MAP3K12: variants seen among roughly 807,000 people sequenced by gnomAD.
The protein encoded by MAP3K12 is mitogen-activated protein kinase kinase kinase 12, also known as MAPK-upstream kinase.
MAP3K12 carries 14 observed loss-of-function variants against 87.5 expected under a neutral mutation model. The observed-to-expected ratio is 0.16, with a 90% CI of 0.11 to 0.25. The LOEUF (loss-of-function observed/expected upper bound fraction) is 0.25, where lower values mean the gene tolerates loss of function less well. Ranked by LOEUF, MAP3K12 falls within the 10% of genes least tolerant of loss-of-function variation. MAP3K12 has a pLI of 1.00. For synonymous variants in MAP3K12, 469 were observed against 452.5 expected, an observed-to-expected ratio of 1.04 and a Z score of -0.46; for missense variants, 802 against 1,140.4, an observed-to-expected ratio of 0.70 and a Z score of 4.27.
In MAP3K12 at chr12:53,482,018, G is replaced by C; in HGVS notation, c.2503C>G (p.Pro835Ala). The change falls in exon 13 of 14, where the codon CCA (proline) becomes GCA (alanine). Residue 835 changes from proline to alanine, a missense_variant. Pro to Ala is a conservative substitution (Grantham distance 27). This residue lies in a region of MAP3K12 where 490 missense variants were observed against 496.6 expected (regional missense o/e 0.99). Transcript: ENST00000547488. ...CSQGSEIPLDPPPSEVIPGPE... is the reference protein window; with the variant it reads ...CSQGSEIPLDAPPSEVIPGPE... ...CCAGGGATGACCTCTGAAGGAGGTG[G>C]GTCCAGTGGGATTTCTGAGCCCTGG... The C allele has an allele frequency of 6.2e-7, 1 of 1,614,216 alleles. No homozygotes were observed. Among genetic ancestry groups the C allele is most frequent in the East Asian group, 2.2e-5 (1 of 44,884 alleles).
chr12:53,482,002 A>T lies in MAP3K12; in HGVS notation c.2519T>A (p.Val840Asp), dbSNP rs778605042. ...EIPLDPPPSE[V>D]IPGPEPSSLP... ...GGAGCTGGGTTCAGGGCCAGGGATG[A>T]CCTCTGAAGGAGGTGGGTCCAGTGG... The change falls in exon 13 of 14, where the codon GTC (valine) becomes GAC (aspartate). Residue 840 changes from valine to aspartate, a missense_variant. Coordinates refer to ENST00000547488, the MANE Select transcript of MAP3K12 (RefSeq NM_001193511.2). The T allele has an allele frequency of 1.2e-6, 2 of 1,614,104 alleles. No individual in the cohort carries two copies. The highest frequency in any genetic ancestry group is 8.5e-7 in the Non-Finnish European group (1 of 1,180,020).
chr12:53,482,644 C>A lies in MAP3K12; in HGVS notation c.2159G>T (p.Gly720Val). ...GGACCCAGCCCGGCTTCCTCCCCGG[C>A]CTGAGGTCCCTTCCCTTCCAGTTCC... is the stretch of plus-strand genomic sequence containing the variant. ...LLGTGREGTSGRGGSRAGSQH... is the reference protein window; with the variant it reads ...LLGTGREGTSVRGGSRAGSQH... Residue 720 changes from glycine to valine, a missense_variant, in exon 11 of 14, where the codon GGC becomes GTC. Around this residue, in one of 5 missense-constraint regions of MAP3K12, gnomAD observed 490 missense variants for 496.6 expected, o/e 0.99. Coordinates refer to ENST00000547488, the MANE Select transcript of MAP3K12 (RefSeq NM_001193511.2). 1 of 1,613,928 alleles carries A rather than the reference C, an allele frequency of 6.2e-7. No homozygotes were observed. The highest frequency in any genetic ancestry group is 8.5e-7 in the Non-Finnish European group (1 of 1,180,026).
chr12:53,496,987 C>T (rs957937808), intron 1 of MAP3K12, among the ~76,000 whole-genome samples: 3 of 152,190 alleles, frequency 2.0e-5, no homozygotes, highest in African/African-American at 7.2e-5. Flanking sequence ...GACAGTGGTA[C>T]CTATGTCCCA....
chr12:53,485,502 T>G (rs1286090885), intron 4 of MAP3K12, 27 bp from the exon 5 acceptor site: 1 of 1,598,778 alleles, frequency 6.3e-7, no homozygotes, highest in Non-Finnish European at 8.5e-7. Flanking sequence ...TCAGCTGGGG[T>G]CCACACCCCT....
upstream of MAP3K12, chr12:53,501,386 C>G (rs1222415828): frequency 1.3e-6 from 2 of 1,556,098 alleles, no homozygotes; most frequent in Admixed American, 3.9e-5. Flanking sequence ...GTCACGGTGG[C>G]GCCCGCGGGG....
chr12:53,494,619 C>T (rs542227379), intron 1 of MAP3K12, among the ~76,000 whole-genome samples: 1 of 152,174 alleles, frequency 6.6e-6, no homozygotes, highest in Non-Finnish European at 1.5e-5. Flanking sequence ...GTCTTAGGGG[C>T]TCAGTTCAGA....
intron 11 of MAP3K12, 88 bp from the exon 12 acceptor site, chr12:53,482,457 G>A (rs1016119612): frequency 6.2e-7 from 1 of 1,606,300 alleles, no homozygotes. Flanking sequence ...GTTACGAAGG[G>A]TGAAGTAGGG....
At chr12:53,489,779 C>T (rs1408273493) in intron 1 of MAP3K12, among the ~76,000 whole-genome samples, 1 of 152,134 alleles carries the variant, frequency 6.6e-6, no homozygotes, top group African/African-American at 2.4e-5. Context: ...CAGGCCTTTC[C>T]CTTGAAGACT....
intron 1 of MAP3K12, among the ~76,000 whole-genome samples, chr12:53,498,955 T>TGGAGGTG (rs1943607165): frequency 3.5e-5 from 1 of 28,538 alleles, no homozygotes; most frequent in Non-Finnish European, 7.1e-5. Flanking sequence ...TGTGTGTGTG[T>TGGAGGTG]GTGTGTGTGT....
At chr12:53,488,053 CACTCA>C (rs974826963) in intron 1 of MAP3K12, 26 of 152,532 alleles carry the variant, frequency 1.7e-4, no homozygotes, top group Admixed American at 9.2e-4. Flanking sequence ...CTCTCAGGAA[CACTCA>C]ACTCAGGTGA....
chr12:53,489,607 C>A (rs562969166), intron 1 of MAP3K12, among the ~76,000 whole-genome samples: 3 of 152,332 alleles, frequency 2.0e-5, no homozygotes, highest in South Asian at 4.1e-4. Context: ...CTAGCAGGGT[C>A]CTTCCATGAG....
chr12:53,482,052 GTCATCAGACCGC>G lies in MAP3K12; in HGVS notation c.2457_2468del (p.Glu819_Asp822del), dbSNP rs1248901317. 4 of 1,614,196 alleles carry G rather than the reference GTCATCAGACCGC, an allele frequency of 2.5e-6. No homozygotes were observed. The highest frequency in any genetic ancestry group is 1.1e-5 in the South Asian group (1 of 91,084). On this transcript the variant is annotated inframe_deletion, in exon 13 of 14. Transcript: ENST00000547488. ...GGATTTCTGAGCCCTGGGAGCACAT[GTCATCAGACCGC>G]TCATCTGGCCGCTCATCAGTGTTGG...
chr12:53,486,395 TTAGCATAG>T lies in MAP3K12; in HGVS notation c.629+36_629+43del, dbSNP rs771630959. 793 of 1,605,834 alleles carry T rather than the reference TTAGCATAG, an allele frequency of 4.9e-4. No individual in the cohort carries two copies. Among genetic ancestry groups the T allele is most frequent in the Non-Finnish European group, 4.8e-4 (559 of 1,175,156 alleles). On this transcript the variant is annotated intron_variant, in intron 3 of 13. Transcript: ENST00000547488. The surrounding 1 kb of genome is among the most constrained non-coding windows in gnomAD (Gnocchi z 4.9). ...CCACTGCCCAGGAGGGTACCAGGCCTTAGCATAGTATCCCCAACACCCAGCCCCTGCCC... is the reference window on the plus strand; with the variant it reads ...CCACTGCCCAGGAGGGTACCAGGCCTTATCCCCAACACCCAGCCCCTGCCC...
At chr12:53,491,010 T>A (rs1943383421) in intron 1 of MAP3K12, among the ~76,000 whole-genome samples, 1 of 151,940 alleles carries the variant, frequency 6.6e-6, no homozygotes, top group South Asian at 2.1e-4. Context: ...GGCTTACGGC[T>A]GGGCGTAGTG....
In MAP3K12 at chr12:53,482,213, T is replaced by C; in HGVS notation, c.2310-2A>G. 6.2e-7 allele frequency: 1 copy of C among 1,614,158 alleles called. No individual in the cohort carries two copies. The highest frequency in any genetic ancestry group is 8.5e-7 in the Non-Finnish European group (1 of 1,179,992). On this transcript the variant is annotated splice_acceptor_variant, in intron 12 of 13. Coordinates refer to ENST00000547488, the MANE Select transcript of MAP3K12 (RefSeq NM_001193511.2). LOFTEE classifies it high-confidence loss of function. ...CGCATGTTCAGGCTCTGAGGCCACC[T>C]ACATGTTGAAGAGGGGGATTACAGC...
Position 53,486,810 on chromosome 12 carries a change from A to G in MAP3K12, c.445+137T>C. ...TGGCCTTAAAAGAAGCTGGGAAGTT[A>G]GAGGCTGATGGATGGCTAAGGGACT... On this transcript the variant is annotated intron_variant, in intron 2 of 13. Coordinates refer to ENST00000547488, the MANE Select transcript of MAP3K12 (RefSeq NM_001193511.2). This position sits in a 1 kb window ranked among gnomAD's most constrained non-coding sequence, Gnocchi z 4.9. 1 of 1,501,932 alleles carries G rather than the reference A, an allele frequency of 6.7e-7. No individual in the cohort carries two copies. The highest frequency in any genetic ancestry group is 8.9e-7 in the Non-Finnish European group (1 of 1,129,708). The allele number at this position is 1,501,932 out of a possible 1,614,324, so 93.0% of individuals were successfully genotyped here. A position where few individuals can be genotyped will look rare whatever the true frequency, so the allele number is the denominator to read the frequency against.
chr12:53,481,801 GAA>G, intron 13 of MAP3K12, 138 bp downstream of exon 13: 1 of 1,057,832 alleles, frequency 9.5e-7, no homozygotes, highest in Non-Finnish European at 1.4e-6. Flanking sequence ...AGAGGCTTCT[GAA>G]ATTCCACCAC....
At chr12:53,491,711 G>A (rs7978491) in intron 1 of MAP3K12, among the ~76,000 whole-genome samples, 2 of 151,546 alleles carry the variant, frequency 1.3e-5, no homozygotes, top group Admixed American at 6.6e-5. Flanking sequence ...GGGATTACAG[G>A]CGTGAGCCAC....
intron 1 of MAP3K12, among the ~76,000 whole-genome samples, chr12:53,493,317 G>A (rs1357956758): frequency 6.6e-6 from 1 of 152,094 alleles, no homozygotes; most frequent in Non-Finnish European, 1.5e-5. Context: ...CCCACCCAGC[G>A]GTCTGCCCCA....
Sources: allele counts gnomAD v4.1 joint callset (sites outside exome capture counted in the v4.1 genomes callset), GRCh38; gene constraint gnomAD v4.1.1; regional missense constraint gnomAD v4.1.1; non-coding constraint Gnocchi (gnomAD v3.1); transcripts MANE v1.5; gene names NCBI Gene and HGNC (gene_info 2026-07-23, HGNC 2026-07-21).